The following ZNF292 variants were observed in gnomAD, a reference collection of about 807,000 sequenced individuals.
ZNF292 encodes the protein zinc finger protein 292.
A neutral mutation model predicts 217.9 loss-of-function variants in ZNF292; 26 were observed. The observed-to-expected ratio is 0.12, with a 90% CI of 0.09 to 0.17. The LOEUF (loss-of-function observed/expected upper bound fraction) is 0.17, where lower values mean the gene tolerates loss of function less well. Among genes scored for constraint, ZNF292 ranks in the 10% least tolerant of loss-of-function variants. The probability of loss-of-function intolerance (pLI) is 1.00; values close to 1 mark genes in which losing one functional copy is unlikely to be tolerated. For missense variants in ZNF292, 2,904 were observed against 3,175.2 expected (o/e 0.91, Z 2.05); for synonymous variants, 1,257 against 1,124.1 (o/e 1.12, Z -2.37).
At chr6:87,205,875 T>C (rs1398871112) in intron 1 of ZNF292, among the ~76,000 whole-genome samples, 3 of 152,258 alleles carry the variant, frequency 2.0e-5, no homozygotes, top group Non-Finnish European at 4.4e-5. Flanking sequence ...TTGTCCAATT[T>C]AAGTTGGCTA....
At chr6:87,252,440 C>CTCTT (rs1188659144) in intron 7 of ZNF292, among the ~76,000 whole-genome samples, 1 of 152,138 alleles carries the variant, frequency 6.6e-6, no homozygotes, top group South Asian at 2.1e-4. Flanking sequence ...AGGCGTGAGC[C>CTCTT]ACCACACCAG....
chr6:87,202,412 C>A (rs1199460121), intron 1 of ZNF292, among the ~76,000 whole-genome samples: 1 of 152,138 alleles, frequency 6.6e-6, no homozygotes, highest in African/African-American at 2.4e-5. Context: ...AACTACTATA[C>A]TGAATTCTCT....
chr6:87,160,992 C>A (rs1770733957), intron 1 of ZNF292, among the ~76,000 whole-genome samples: 1 of 151,864 alleles, frequency 6.6e-6, no homozygotes, highest in Non-Finnish European at 1.5e-5. Context: ...AGTCCTTCTA[C>A]TCTTTTCATA....
chr6:87,242,186 T>C (rs919871077), intron 5 of ZNF292, among the ~76,000 whole-genome samples: 2 of 152,216 alleles, frequency 1.3e-5, no homozygotes, highest in African/African-American at 2.4e-5. Context: ...TCAAGTTGCT[T>C]ATAAAGATTT....
intron 1 of ZNF292, among the ~76,000 whole-genome samples, chr6:87,187,030 G>C (rs1771683342): frequency 6.6e-6 from 1 of 152,000 alleles, no homozygotes; most frequent in African/African-American, 2.4e-5. Flanking sequence ...ATATCATTCT[G>C]GTCTTTTTTA....
At chr6:87,233,270 T>C (rs1773741649) in intron 4 of ZNF292, 55 bp from the exon 5 acceptor site, 7 of 1,291,510 alleles carry the variant, frequency 5.4e-6, no homozygotes, top group African/African-American at 1.5e-5. Context: ...AGTGTTGGTA[T>C]TGCAAATGAA....
At chr6:87,226,668 G>T (rs187235493) in intron 4 of ZNF292, among the ~76,000 whole-genome samples, 251 of 104,826 alleles carry the variant, frequency 2.4e-3, no homozygotes, top group African/African-American at 9.1e-3. Flanking sequence ...TAGATATATA[G>T]ATATATAGAT....
Position 87,257,124 on chromosome 6 carries a change from T to C in ZNF292, c.3495T>C (p.Asn1165=), listed in dbSNP as rs1325533865. 1.9e-6 allele frequency: 3 copies of C among 1,613,822 alleles called. No individual in the cohort carries two copies. The African/African-American group carries it at 4.0e-5, about 22-fold the overall frequency. The part of the protein sequence containing the change: ...YFLPSPVNSS[N]PFFTSQTKAN... ...TGCCATCACCGGTGAACAGCTCAAATCCATTTTTTACATCACAGACCAAAG... is the reference window on the plus strand; with the variant it reads ...TGCCATCACCGGTGAACAGCTCAAACCCATTTTTTACATCACAGACCAAAG... The change falls in exon 8 of 8, where the codon AAT becomes AAC. Residue 1165 remains asparagine (N), a synonymous_variant. Coordinates refer to ENST00000369577, the MANE Select transcript of ZNF292 (RefSeq NM_015021.3).
intron 1 of ZNF292, among the ~76,000 whole-genome samples, chr6:87,193,753 T>G (rs1771883015): frequency 6.6e-6 from 1 of 152,216 alleles, no homozygotes; most frequent in South Asian, 2.1e-4. Context: ...AAAATTACTT[T>G]CAGGCTAAGT....
At position 87,245,581 on chromosome 6, in the gene ZNF292, A is replaced by T. The variant is rs368623280; in HGVS notation, c.957A>T (p.Gln319His). The change falls in exon 7 of 8, where the codon CAA becomes CAT. Residue 319 changes from glutamine to histidine, a missense_variant. By Grantham distance (24) the Gln-to-His change is conservative. This residue lies in a region of ZNF292 where 313 missense variants were observed against 451.0 expected (regional missense o/e 0.69). Transcript: ENST00000369577. ...AAGTGTACCTTGAGAGGTGTCGTCA[A>T]CTTTCTTTGTTAACGAAAACAGTAT... ...SIQVYLERCR[Q>H]LSLLTKTVYH... 2.9e-5 allele frequency: 46 copies of T among 1,565,004 alleles called. No homozygotes were observed. Among genetic ancestry groups the T allele is most frequent in the Non-Finnish European group, 3.8e-5 (44 of 1,150,200 alleles).
intron 1 of ZNF292, among the ~76,000 whole-genome samples, chr6:87,182,481 T>C (rs1306782093): frequency 6.6e-6 from 1 of 152,220 alleles, no homozygotes; most frequent in African/African-American, 2.4e-5. Context: ...AAAGCACTCC[T>C]ACGCTTTTAG....
chr6:87,220,790 G>A (rs1414733513), intron 4 of ZNF292, among the ~76,000 whole-genome samples: 2 of 152,038 alleles, frequency 1.3e-5, no homozygotes, highest in Non-Finnish European at 2.9e-5. Context: ...CCTTCATCTT[G>A]TCATAGCCAC....
chr6:87,182,666 A>C (rs1771505060), intron 1 of ZNF292, among the ~76,000 whole-genome samples: 1 of 152,180 alleles, frequency 6.6e-6, no homozygotes, highest in Non-Finnish European at 1.5e-5. Flanking sequence ...TGGTGATGAT[A>C]TGTTTCTAGA....
intron 1 of ZNF292, among the ~76,000 whole-genome samples, chr6:87,156,026 C>T (rs1267808204): frequency 2.0e-5 from 3 of 152,252 alleles, no homozygotes; most frequent in African/African-American, 7.2e-5. Flanking sequence ...CGGGACTGCG[C>T]GGTCCCCGCG....
At chr6:87,166,025 T>C (rs1241438696) in intron 1 of ZNF292, among the ~76,000 whole-genome samples, 1 of 152,158 alleles carries the variant, frequency 6.6e-6, no homozygotes, top group African/African-American at 2.4e-5. Context: ...CCCAAACTGT[T>C]GGGATTACAG....
Position 87,260,599 on chromosome 6 carries a change from G to A in ZNF292, c.6970G>A (p.Gly2324Arg), listed in dbSNP as rs778736236. The stretch of plus-strand genomic sequence containing the variant: ...TCGGGGGACCAAGCACAGCAGATGT[G>A]GAAAGGAAGGAATAAAAATGCCCAA... ...KHRGTKHSRC[G>R]KEGIKMPKTK... Residue 2324 changes from glycine to arginine, a missense_variant, in exon 8 of 8, where the codon GGA becomes AGA. Coordinates refer to ENST00000369577, the MANE Select transcript of ZNF292 (RefSeq NM_015021.3). The A allele has an allele frequency of 2.5e-6, 4 of 1,612,676 alleles. No homozygotes were observed. In the East Asian group the frequency reaches 6.7e-5, roughly 27 times the overall value.
At chr6:87,164,197 C>A (rs1365704158) in intron 1 of ZNF292, among the ~76,000 whole-genome samples, 1 of 152,086 alleles carries the variant, frequency 6.6e-6, no homozygotes, top group African/African-American at 2.4e-5. Flanking sequence ...GCTGAATAGT[C>A]CCAGATGGTT....
chr6:87,256,500 A>T lies in ZNF292; in HGVS notation c.2871A>T (p.Ser957=). 1 of 1,612,176 alleles carries T rather than the reference A, an allele frequency of 6.2e-7. No individual in the cohort carries two copies. ...IEDNFGKQEN[S]TVEGSGEALV... is the part of the protein sequence containing the mutation. ...ATAACTTTGGAAAGCAAGAAAACTCAACTGTGGAAGGCAGTGGTGAAGCAC... is the reference window on the plus strand; with the variant it reads ...ATAACTTTGGAAAGCAAGAAAACTCTACTGTGGAAGGCAGTGGTGAAGCAC... The change falls in exon 8 of 8, where the codon TCA becomes TCT. Residue 957 remains serine, a synonymous_variant. Transcript: ENST00000369577.
chr6:87,169,415 G>GGAT (rs1771025618), intron 1 of ZNF292, among the ~76,000 whole-genome samples: 1 of 151,916 alleles, frequency 6.6e-6, no homozygotes, highest in South Asian at 2.1e-4. Context: ...GATACTGAAG[G>GGAT]CCCCCTGTAA....
Sources: allele counts gnomAD v4.1 joint callset (sites outside exome capture counted in the v4.1 genomes callset), GRCh38; gene constraint gnomAD v4.1.1; regional missense constraint gnomAD v4.1.1; transcripts MANE v1.5; gene names NCBI Gene and HGNC (gene_info 2026-07-23, HGNC 2026-07-21).